Variants in FBLN7 observed in about 807,000 individuals in gnomAD.
FBLN7 encodes the protein fibulin 7, also known as fibulin-7.
A neutral mutation model predicts 44.0 loss-of-function variants in FBLN7; 31 were observed. The observed-to-expected ratio is 0.70, with a 90% CI of 0.53 to 0.95. The LOEUF (loss-of-function observed/expected upper bound fraction) is 0.95. Ranked by LOEUF, FBLN7 falls within the 40% of genes least tolerant of loss-of-function variation. FBLN7 has a pLI of 0.00. For synonymous variants in FBLN7, 262 were observed against 253.4 expected (o/e 1.03, Z -0.32); for missense variants, 573 against 618.5 (o/e 0.93, Z 0.78).
intron 1 of FBLN7, chr2:112,152,956 G>A (rs1281250654): frequency 6.6e-6 from 1 of 152,104 alleles, no homozygotes; most frequent in East Asian, 1.9e-4. Context: ...ATGCATGTGT[G>A]TGTATATATA....
At chr2:112,211,068 A>G in the FBLN7 span, among the ~76,000 whole-genome samples, 2 of 152,202 alleles carry the variant, frequency 1.3e-5, no homozygotes, top group Non-Finnish European at 2.9e-5. Context: ...CTCAGCTACT[A>G]GTGGCTGTCC....
chr2:112,232,641 G>C, the FBLN7 span, among the ~76,000 whole-genome samples: 1 of 152,098 alleles, frequency 6.6e-6, no homozygotes, highest in African/African-American at 2.4e-5. Context: ...TTGTACATTA[G>C]ACTTGTTTAC....
chr2:112,171,184 G>A (rs1682438548), intron 3 of FBLN7, among the ~76,000 whole-genome samples: 1 of 152,176 alleles, frequency 6.6e-6, no homozygotes, highest in South Asian at 2.1e-4. Context: ...GGCAGCAGAA[G>A]GGTTGGAGGT....
chr2:112,235,050 A>C, the FBLN7 span, among the ~76,000 whole-genome samples: 3 of 152,186 alleles, frequency 2.0e-5, no homozygotes, highest in African/African-American at 7.2e-5. Context: ...AGATTTTTAC[A>C]TTAAAAAAAG....
the FBLN7 span, among the ~76,000 whole-genome samples, chr2:112,205,777 T>A: frequency 3.3e-5 from 5 of 151,892 alleles, no homozygotes; most frequent in South Asian, 4.1e-4. Context: ...TTTATTCTTT[T>A]AAAAAAAATG....
the FBLN7 span, among the ~76,000 whole-genome samples, chr2:112,226,405 G>A: frequency 9.8e-3 from 1,487 of 151,664 alleles, 25 homozygotes; most frequent in African/African-American, 0.034. Flanking sequence ...TGGCTAACAC[G>A]GTGAAACCCC....
At chr2:112,215,411 C>T in the FBLN7 span, 1 of 152,204 alleles carries the variant, frequency 6.6e-6, no homozygotes, top group African/African-American at 2.4e-5. Flanking sequence ...TTCCTGCTTT[C>T]TTTCGTCTTG....
the FBLN7 span, among the ~76,000 whole-genome samples, chr2:112,207,760 G>T: frequency 6.6e-6 from 1 of 152,118 alleles, no homozygotes; most frequent in Non-Finnish European, 1.5e-5. Flanking sequence ...TTGTTATTAT[G>T]CAGTGACTCT....
the FBLN7 span, among the ~76,000 whole-genome samples, chr2:112,222,758 A>G: frequency 6.6e-6 from 1 of 152,248 alleles, no homozygotes; most frequent in African/African-American, 2.4e-5. Context: ...GTAGCTGTCA[A>G]GGCCTTGAAG....
rs115731592 is a variant in FBLN7, at chr2:112,142,926, G to A, written c.75+4196G>A. 4.1e-3 allele frequency among the ~76,000 whole-genome samples: 622 copies of A among 152,254 alleles called. 6 individuals carry two copies. The highest frequency in any genetic ancestry group is 0.013 in the African/African-American group (536 of 41,542). The stretch of plus-strand genomic sequence containing the variant: ...GTGTGTGTGCATATCTGTGCTGTGT[G>A]TGTGATTGGGTATGCACATGTCTTT... On this transcript the variant is annotated intron_variant, in intron 1 of 7. Coordinates refer to ENST00000331203, the MANE Select transcript of FBLN7 (RefSeq NM_153214.3).
chr2:112,160,782 GCACGCACACGCACACACGCA>G (rs1448427358), intron 2 of FBLN7, among the ~76,000 whole-genome samples: 4 of 131,394 alleles, frequency 3.0e-5, no homozygotes, highest in African/African-American at 6.0e-5. Context: ...AGACGCACAC[GCACGCACACGCACACACGCA>G]CGCACACACA....
chr2:112,169,229 C>T (rs1682325992), intron 3 of FBLN7, among the ~76,000 whole-genome samples: 1 of 152,126 alleles, frequency 6.6e-6, no homozygotes, highest in Non-Finnish European at 1.5e-5. Context: ...GCCGAAATCA[C>T]ACCACTGCAC....
intron 4 of FBLN7, among the ~76,000 whole-genome samples, chr2:112,178,257 C>CAAAAAAAAAAAA (rs112844069): frequency 8.1e-6 from 1 of 123,798 alleles, no homozygotes; most frequent in Non-Finnish European, 1.7e-5. Context: ...ACAAGAAATA[C>CAAAAAAAAAAAA]AAAAAAAAAA....
At position 112,155,080 on chromosome 2, in the gene FBLN7, G is replaced by A. The variant is rs960615641; in HGVS notation, c.76-4596G>A. On this transcript the variant is annotated intron_variant, in intron 1 of 7. Coordinates refer to ENST00000331203, the MANE Select transcript of FBLN7 (RefSeq NM_153214.3). ...TGTGGGACTTGTTCTTTGTTTGAATGCATTTTTCTGTATTTTGAATTGTTT... is the reference window on the plus strand; with the variant it reads ...TGTGGGACTTGTTCTTTGTTTGAATACATTTTTCTGTATTTTGAATTGTTT... Among the ~76,000 whole-genome samples the A allele has an allele frequency of 9.9e-5, 15 of 152,162 alleles. No individual in the cohort carries two copies. The South Asian group carries it at 2.5e-3, about 25-fold the overall frequency.
the FBLN7 span, among the ~76,000 whole-genome samples, chr2:112,221,312 A>G: frequency 2.0e-5 from 3 of 152,076 alleles, no homozygotes; most frequent in African/African-American, 7.2e-5. Flanking sequence ...GTGAATGCTC[A>G]TAAGATATGG....
chr2:112,227,971 C>T, the FBLN7 span, among the ~76,000 whole-genome samples: 1 of 151,736 alleles, frequency 6.6e-6, no homozygotes, highest in African/African-American at 2.4e-5. Context: ...AGCAAAAGAT[C>T]CAGAGTAGCC....
At chr2:112,161,451 T>C (rs1332466795) in intron 2 of FBLN7, among the ~76,000 whole-genome samples, 2 of 152,180 alleles carry the variant, frequency 1.3e-5, no homozygotes, top group African/African-American at 4.8e-5. Flanking sequence ...GCCCAAGCCC[T>C]CACTGGGGCT....
At chr2:112,204,319 G>A in the FBLN7 span, among the ~76,000 whole-genome samples, 1 of 151,100 alleles carries the variant, frequency 6.6e-6, no homozygotes, top group Non-Finnish European at 1.5e-5. Flanking sequence ...TATTTGTGAG[G>A]TCACCATCAA....
chr2:112,225,982 T>G, the FBLN7 span, among the ~76,000 whole-genome samples: 1 of 151,884 alleles, frequency 6.6e-6, no homozygotes, highest in African/African-American at 2.4e-5. Flanking sequence ...CTTGGGAAGC[T>G]GAGGCAGGAG....
Sources: allele counts gnomAD v4.1 joint callset (sites outside exome capture counted in the v4.1 genomes callset), GRCh38; gene constraint gnomAD v4.1.1; transcripts MANE v1.5; gene names NCBI Gene and HGNC (gene_info 2026-07-23, HGNC 2026-07-21).